THSD4: variants seen among roughly 807,000 people sequenced by gnomAD.
THSD4 encodes the protein thrombospondin type 1 domain containing 4, also known as thrombospondin type-1 domain-containing protein 4.
In THSD4, 69 loss-of-function variants were observed where a neutral mutation model predicts 119.0. The observed-to-expected ratio is 0.58, with a 90% confidence interval of 0.48 to 0.71. The LOEUF is 0.71. Among genes scored for constraint, THSD4 ranks in the 30% least tolerant of loss-of-function variants. THSD4 has a pLI of 0.00. For missense variants in THSD4, 1,393 were observed against 1,391.1 expected (o/e 1.00, Z -0.02); for synonymous variants, 524 against 540.4 (o/e 0.97, Z 0.42).
intron 3 of THSD4, among the ~76,000 whole-genome samples, chr15:71,200,655 G>GT (rs762743281): frequency 3.9e-5 from 6 of 152,218 alleles, no homozygotes; most frequent in East Asian, 3.9e-4. Context: ...TAACCAAATA[G>GT]TTTTTTTCTC....
At chr15:71,193,030 G>A (rs539975929) in intron 3 of THSD4, among the ~76,000 whole-genome samples, 1 of 152,314 alleles carries the variant, frequency 6.6e-6, no homozygotes, top group East Asian at 1.9e-4. Flanking sequence ...GACCTCCCCA[G>A]CCAAACCTGG....
intron 7 of THSD4, among the ~76,000 whole-genome samples, chr15:71,554,314 C>G (rs1382698504): frequency 1.5e-4 from 22 of 151,128 alleles, no homozygotes; most frequent in Non-Finnish European, 5.9e-5. Flanking sequence ...CCAGGATGGT[C>G]TCCATCTCCT....
At chr15:71,213,529 C>CT (rs2140248458) in intron 3 of THSD4, among the ~76,000 whole-genome samples, 1 of 152,328 alleles carries the variant, frequency 6.6e-6, no homozygotes, top group East Asian at 1.9e-4. Context: ...TCATCTGCTG[C>CT]TGGGTCTAAG....
At chr15:71,292,362 G>A (rs772829966) in intron 6 of THSD4, among the ~76,000 whole-genome samples, 6 of 151,980 alleles carry the variant, frequency 3.9e-5, no homozygotes, top group Non-Finnish European at 5.9e-5. Context: ...TGCTTGTGTA[G>A]TTTCTTCCAA....
chr15:71,591,061 C>T (rs2049792604), intron 7 of THSD4, among the ~76,000 whole-genome samples: 1 of 142,026 alleles, frequency 7.0e-6, no homozygotes, highest in Admixed American at 7.0e-5. Context: ...AAGAATAGTC[C>T]GTTCTCATAT....
At chr15:71,288,046 T>G (rs1218354230) in intron 6 of THSD4, among the ~76,000 whole-genome samples, 1 of 152,128 alleles carries the variant, frequency 6.6e-6, no homozygotes, top group Non-Finnish European at 1.5e-5. Context: ...GTGCACTGGG[T>G]GATATTTTAT....
At chr15:71,548,020 C>T (rs2048866306) in intron 7 of THSD4, among the ~76,000 whole-genome samples, 1 of 151,732 alleles carries the variant, frequency 6.6e-6, no homozygotes, top group East Asian at 1.9e-4. Context: ...CCAGATGTAC[C>T]TTAGCAGGGA....
chr15:71,168,388 A>G (rs905142127), intron 3 of THSD4, among the ~76,000 whole-genome samples: 2 of 152,222 alleles, frequency 1.3e-5, no homozygotes, highest in Non-Finnish European at 2.9e-5. Context: ...TTAGCTCCAC[A>G]TATGAAAAAT....
intron 6 of THSD4, among the ~76,000 whole-genome samples, chr15:71,331,502 G>A (rs2045420670): frequency 6.6e-6 from 1 of 152,186 alleles, no homozygotes; most frequent in Non-Finnish European, 1.5e-5. Context: ...GCAAAAACCT[G>A]CTGTGGCTCC....
chr15:71,746,324 A>G (rs1256991512), intron 12 of THSD4, among the ~76,000 whole-genome samples: 1 of 152,186 alleles, frequency 6.6e-6, no homozygotes, highest in African/African-American at 2.4e-5. Context: ...GGTAAATAGC[A>G]TGTCAAGTGT....
intron 6 of THSD4, among the ~76,000 whole-genome samples, chr15:71,291,989 T>G (rs1044844998): frequency 6.6e-6 from 1 of 152,200 alleles, no homozygotes; most frequent in Admixed American, 6.5e-5. Flanking sequence ...CTCTAATAGC[T>G]TCTCAAGAAA....
At chr15:71,237,441 G>A (rs1388953802) in intron 4 of THSD4, among the ~76,000 whole-genome samples, 2 of 152,118 alleles carry the variant, frequency 1.3e-5, no homozygotes, top group Admixed American at 1.3e-4. Context: ...GAGCTAGAGG[G>A]GCATCAGTTT....
At chr15:71,573,490 A>G (rs138582174) in intron 7 of THSD4, among the ~76,000 whole-genome samples, 22 of 152,346 alleles carry the variant, frequency 1.4e-4, no homozygotes, top group Middle Eastern at 3.4e-3. Context: ...GAATGTTTCT[A>G]GACCTTTCAA....
chr15:71,112,022 G>A (rs1596203027), upstream of THSD4: 1 of 1,367,070 alleles, frequency 7.3e-7, no homozygotes. Context: ...GGGTCCAGCT[G>A]TCCTGCATTG....
At chr15:71,563,532 C>T (rs12907205) in intron 7 of THSD4, among the ~76,000 whole-genome samples, 53,504 of 151,984 alleles carry the variant, frequency 0.35, 10,508 homozygotes, top group Middle Eastern at 0.45. Flanking sequence ...AGCTTAAATC[C>T]GGATACACAT....
chr15:71,629,960 T>C (rs1209601278), intron 7 of THSD4, among the ~76,000 whole-genome samples: 1 of 152,182 alleles, frequency 6.6e-6, no homozygotes, highest in Non-Finnish European at 1.5e-5. Context: ...CAGGCCCTTG[T>C]GTGCTCAGAG....
At chr15:71,136,004 T>G (rs1399412477) in intron 1 of THSD4, among the ~76,000 whole-genome samples, 1 of 145,658 alleles carries the variant, frequency 6.9e-6, no homozygotes, top group Non-Finnish European at 1.5e-5. Context: ...TTTTTTTTTT[T>G]TTTTTTTTTT....
intron 11 of THSD4, among the ~76,000 whole-genome samples, chr15:71,738,780 A>G (rs1406046743): frequency 6.6e-6 from 1 of 152,152 alleles, no homozygotes; most frequent in Non-Finnish European, 1.5e-5. Context: ...CAGCTCCCAC[A>G]TGAGTGACAC....
chr15:71,741,778 T>C (rs1360522776), intron 11 of THSD4, among the ~76,000 whole-genome samples: 2 of 152,004 alleles, frequency 1.3e-5, no homozygotes, highest in African/African-American at 2.4e-5. Flanking sequence ...AGCTCTTCTT[T>C]ACCCAGTAAA....
Sources: gnomAD v4.1 joint callset for allele counts (sites outside exome capture counted in the v4.1 genomes callset) on GRCh38, gnomAD v4.1.1 for gene constraint, MANE v1.5 for transcripts, NCBI Gene and HGNC (gene_info 2026-07-23, HGNC 2026-07-21) for gene names.